The following UPP2 variants were observed in gnomAD, a reference collection of about 807,000 sequenced individuals.
UPP2 encodes the protein uridine phosphorylase 2.
In UPP2, 23 loss-of-function variants were observed where a neutral mutation model predicts 26.7. The observed-to-expected ratio is 0.86, with a 90% CI of 0.62 to 1.22. The LOEUF is 1.22. Ranked by LOEUF, UPP2 falls within the 50% of genes most tolerant of loss-of-function variation. UPP2 has a pLI of 0.00. For missense variants in UPP2, 387 were observed against 396.7 expected (o/e 0.98, Z 0.21); for synonymous variants, 127 against 141.3 (o/e 0.90, Z 0.72).
rs537796909 is a variant in UPP2, at chr2:158,031,814, AC to A, written c.147+15929del. Among the ~76,000 whole-genome samples the A allele has an allele frequency of 6.0e-4, 92 of 152,304 alleles. 4 individuals are homozygous for A. In the South Asian group the frequency reaches 0.018, roughly 30 times the overall value. On this transcript the variant is annotated intron_variant, in intron 3 of 9. Transcript: ENST00000605860. ...TCCTACATTTTTGGTTTTCTTCAAA[AC>A]TGGAATCCCTTGGATGGGTAAAATA...
intron 3 of UPP2, among the ~76,000 whole-genome samples, chr2:158,071,476 G>A (rs899633360): frequency 4.7e-5 from 7 of 147,762 alleles, no homozygotes; most frequent in African/African-American, 1.3e-4. Context: ...GCTTGAACCC[G>A]GGAGGTGGAG....
At chr2:158,099,960 G>A (rs968153896), upstream of UPP2, among the ~76,000 whole-genome samples, 2 of 152,162 alleles carry the variant, frequency 1.3e-5, no homozygotes, top group African/African-American at 4.8e-5. Flanking sequence ...CAGTGGCCAG[G>A]TCTGAGTTTG....
At chr2:158,038,426 G>A (rs554137924) in intron 3 of UPP2, among the ~76,000 whole-genome samples, 13 of 152,314 alleles carry the variant, frequency 8.5e-5, no homozygotes, top group African/African-American at 3.1e-4. Flanking sequence ...ATGAGGACAA[G>A]CAAATCAAAG....
At chr2:157,999,876 G>A (rs1183519998) in intron 2 of UPP2, among the ~76,000 whole-genome samples, 1 of 152,078 alleles carries the variant, frequency 6.6e-6, no homozygotes. Flanking sequence ...GTGTGAGAGA[G>A]AATAAGAGAA....
intron 3 of UPP2, among the ~76,000 whole-genome samples, chr2:158,078,077 A>T (rs1682659051): frequency 6.6e-6 from 1 of 152,176 alleles, no homozygotes; most frequent in Non-Finnish European, 1.5e-5. Flanking sequence ...CAAAACTACA[A>T]TGAGATATCA....
intron 2 of UPP2, among the ~76,000 whole-genome samples, chr2:158,002,499 G>T (rs1048034663): frequency 6.6e-6 from 1 of 152,242 alleles, no homozygotes; most frequent in Non-Finnish European, 1.5e-5. Flanking sequence ...AAGAGGAAAA[G>T]AAAAAGGCAG....
chr2:158,115,613 C>T (rs1683413361), intron 3 of UPP2, among the ~76,000 whole-genome samples: 1 of 152,268 alleles, frequency 6.6e-6, no homozygotes, highest in South Asian at 2.1e-4. Flanking sequence ...TACACAGAGG[C>T]TAATTTTCAG....
intron 3 of UPP2, among the ~76,000 whole-genome samples, chr2:158,026,114 G>A (rs892645493): frequency 7.9e-5 from 12 of 152,068 alleles, no homozygotes; most frequent in Admixed American, 3.9e-4. Context: ...GGAAATGGTG[G>A]GAAGGGAAAG....
chr2:158,050,460 TA>T (rs1199334141), intron 3 of UPP2, among the ~76,000 whole-genome samples: 1 of 152,098 alleles, frequency 6.6e-6, no homozygotes, highest in Non-Finnish European at 1.5e-5. Context: ...AAAATTGCAC[TA>T]ATTATAACCA....
chr2:158,026,719 A>C (rs1322115634), intron 3 of UPP2, among the ~76,000 whole-genome samples: 3 of 152,196 alleles, frequency 2.0e-5, no homozygotes, highest in Non-Finnish European at 4.4e-5. Flanking sequence ...TATAAAATAT[A>C]ACAGGCAAGC....
intron 3 of UPP2, among the ~76,000 whole-genome samples, chr2:158,040,878 C>T (rs774908292): frequency 4.6e-5 from 7 of 152,130 alleles, no homozygotes; most frequent in East Asian, 1.9e-4. Flanking sequence ...ACTAGCCATG[C>T]GCCCAAGGGT....
intron 1 of UPP2, 59 bp from the exon 2 acceptor site, chr2:158,106,040 T>C (rs1179629635): frequency 2.3e-6 from 3 of 1,305,908 alleles, no homozygotes; most frequent in Non-Finnish European, 3.2e-6. Context: ...AGACTTTCTT[T>C]CTTGTGAGCT....
At chr2:158,098,531 T>G (rs186591983), upstream of UPP2, among the ~76,000 whole-genome samples, 2 of 152,252 alleles carry the variant, frequency 1.3e-5, no homozygotes, top group Non-Finnish European at 2.9e-5. Context: ...AGGTCCCTTA[T>G]GAGAAAACAG....
intron 3 of UPP2, among the ~76,000 whole-genome samples, chr2:158,037,171 G>A (rs1187436854): frequency 1.3e-5 from 2 of 151,882 alleles, no homozygotes; most frequent in Admixed American, 1.3e-4. Context: ...TCAGGAGTTT[G>A]AGACCAGTCT....
chr2:157,998,761 C>G (rs893563018), intron 2 of UPP2, among the ~76,000 whole-genome samples: 3 of 152,110 alleles, frequency 2.0e-5, no homozygotes, highest in African/African-American at 7.2e-5. Context: ...CGAGATTGCA[C>G]CGCTGCACTG....
Position 158,117,888 on chromosome 2 carries a change from C to G in UPP2, c.404C>G (p.Ala135Gly). The change falls in exon 4 of 7, where the codon GCA (alanine) becomes GGA (glycine). Residue 135 changes from alanine to glycine, a missense_variant. Transcript: ENST00000005756. ...GAACTCATCAAATTACTCCACCATG[C>G]ACGGTGCTGCGATGTCACCATTATT... The part of the protein sequence containing the change: ...LHELIKLLHH[A>G]RCCDVTIIRI... 6.2e-7 allele frequency: 1 copy of G among 1,613,236 alleles called. No individual in the cohort carries two copies. Among genetic ancestry groups the G allele is most frequent in the East Asian group, 2.2e-5 (1 of 44,882 alleles).
chr2:158,089,096 C>G (rs1476707897), intron 3 of UPP2, among the ~76,000 whole-genome samples: 1 of 151,934 alleles, frequency 6.6e-6, no homozygotes, highest in African/African-American at 2.4e-5. Flanking sequence ...AGAGAAAGAC[C>G]ATCAGGTGGG....
chr2:157,996,131 G>A (rs1170699283), intron 2 of UPP2, among the ~76,000 whole-genome samples: 3 of 152,060 alleles, frequency 2.0e-5, no homozygotes, highest in Non-Finnish European at 2.9e-5. Flanking sequence ...GGACTAAGGG[G>A]AACAGAAGAT....
chr2:158,116,225 T>C (rs574527186), intron 3 of UPP2, among the ~76,000 whole-genome samples: 1 of 152,336 alleles, frequency 6.6e-6, no homozygotes, highest in East Asian at 1.9e-4. Context: ...AGTTATTCAC[T>C]TGTGCATTCA....
Sources: allele counts gnomAD v4.1 joint callset (sites outside exome capture counted in the v4.1 genomes callset), GRCh38; gene constraint gnomAD v4.1.1; transcripts MANE v1.5; gene names NCBI Gene and HGNC (gene_info 2026-07-23, HGNC 2026-07-21).